The following ATRNL1 variants were observed in gnomAD, a reference collection of about 807,000 sequenced individuals.
ATRNL1 encodes the protein attractin-like protein 1.
Under a neutral mutation model 182.7 loss-of-function variants are expected in ATRNL1, and 95 were observed. The ratio of observed to expected loss-of-function variants is 0.52; its 90% confidence interval spans 0.44 to 0.62. The LOEUF is 0.62. Ranked by LOEUF, ATRNL1 falls within the 20% of genes least tolerant of loss-of-function variation. ATRNL1 has a pLI of 0.00. For missense variants in ATRNL1, 1,471 were observed against 1,679.5 expected, an observed-to-expected ratio of 0.88 and a Z score of 2.17; for synonymous variants, 576 against 568.3, an observed-to-expected ratio of 1.01 and a Z score of -0.19.
intron 25 of ATRNL1, among the ~76,000 whole-genome samples, chr10:115,538,895 T>C (rs149497837): frequency 2.0e-3 from 307 of 152,360 alleles, no homozygotes; most frequent in Admixed American, 2.7e-3. Flanking sequence ...ATATGTTTAC[T>C]GTACCTTTTC....
chr10:115,133,998 T>C (rs1845386682), intron 5 of ATRNL1, among the ~76,000 whole-genome samples: 1 of 151,988 alleles, frequency 6.6e-6, no homozygotes, highest in Admixed American at 6.6e-5. Flanking sequence ...TTGAAACCAA[T>C]GAGAACAAAG....
intron 1 of ATRNL1, 66 bp downstream of exon 1, chr10:115,094,109 C>T: frequency 8.5e-6 from 11 of 1,290,594 alleles, no homozygotes; most frequent in East Asian, 3.1e-5. Flanking sequence ...CTTCCCCGCC[C>T]CCCTCGCGGC....
At chr10:115,387,777 T>G (rs1843742791) in intron 19 of ATRNL1, among the ~76,000 whole-genome samples, 1 of 152,238 alleles carries the variant, frequency 6.6e-6, no homozygotes, top group Non-Finnish European at 1.5e-5. Flanking sequence ...TTTCTTTTCA[T>G]TGCTGAATTA....
At chr10:115,295,829 G>T (rs1554922411) in intron 15 of ATRNL1, among the ~76,000 whole-genome samples, 1 of 152,106 alleles carries the variant, frequency 6.6e-6, no homozygotes, top group African/African-American at 2.4e-5. Flanking sequence ...ATTCAGCTGG[G>T]GTTGTGGCAT....
intron 19 of ATRNL1, among the ~76,000 whole-genome samples, chr10:115,363,536 G>T (rs1856860323): frequency 6.8e-6 from 1 of 146,498 alleles, no homozygotes; most frequent in African/African-American, 2.5e-5. Flanking sequence ...GATCCCATTT[G>T]TCAATTTTGT....
chr10:115,295,334 C>T (rs1554922203), intron 15 of ATRNL1, among the ~76,000 whole-genome samples: 2 of 151,930 alleles, frequency 1.3e-5, no homozygotes, highest in Non-Finnish European at 2.9e-5. Context: ...CTCATGGGGT[C>T]GTGTCTCAGG....
chr10:115,545,653 ATCTT>A (rs539748226), intron 25 of ATRNL1, among the ~76,000 whole-genome samples: 4 of 152,338 alleles, frequency 2.6e-5, no homozygotes, highest in Admixed American at 2.0e-4. Flanking sequence ...CTCAAACTGA[ATCTT>A]TATTATGTAA....
At chr10:115,723,833 G>A (rs1445382522) in intron 26 of ATRNL1, among the ~76,000 whole-genome samples, 5 of 152,120 alleles carry the variant, frequency 3.3e-5, no homozygotes, top group Admixed American at 1.3e-4. Context: ...GCTTACAGGC[G>A]TGAGCCGCTG....
At chr10:115,538,295 C>G (rs530978441) in intron 25 of ATRNL1, among the ~76,000 whole-genome samples, 1 of 152,156 alleles carries the variant, frequency 6.6e-6, no homozygotes, top group Non-Finnish European at 1.5e-5. Context: ...AGTGACTGTA[C>G]AATTCTGTGC....
intron 9 of ATRNL1, among the ~76,000 whole-genome samples, chr10:115,220,183 C>T (rs901868122): frequency 6.6e-6 from 1 of 152,174 alleles, no homozygotes; most frequent in Non-Finnish European, 1.5e-5. Context: ...CAAATGTCTT[C>T]AGCAATAGGC....
intron 8 of ATRNL1, among the ~76,000 whole-genome samples, chr10:115,183,290 A>T (rs1407956479): frequency 4.0e-5 from 6 of 151,602 alleles, no homozygotes; most frequent in Admixed American, 6.6e-5. Flanking sequence ...AATGCACCAC[A>T]TTCCCAATTC....
chr10:115,447,972 T>A (rs182285834), intron 21 of ATRNL1, among the ~76,000 whole-genome samples: 7 of 152,198 alleles, frequency 4.6e-5, no homozygotes, highest in Admixed American at 1.3e-4. Flanking sequence ...ACTTGCATTT[T>A]CTTTATGACT....
intron 21 of ATRNL1, among the ~76,000 whole-genome samples, chr10:115,449,465 A>C (rs1000304945): frequency 3.3e-5 from 5 of 152,170 alleles, no homozygotes; most frequent in South Asian, 2.1e-4. Context: ...ATGCAACCTG[A>C]TTCTTCCTGG....
chr10:115,478,315 G>A (rs551215965), intron 24 of ATRNL1, among the ~76,000 whole-genome samples: 188 of 151,774 alleles, frequency 1.2e-3, no homozygotes, highest in Non-Finnish European at 9.9e-4. Flanking sequence ...TTGAGCTGCC[G>A]TCTCATCTGA....
Position 115,102,534 on chromosome 10 carries a change from G to A in ATRNL1, c.293+8491G>A, listed in dbSNP as rs143866512. 2.3e-3 allele frequency among the ~76,000 whole-genome samples: 344 copies of A among 152,030 alleles called. 2 individuals are homozygous for A. The highest frequency in any genetic ancestry group is 8.1e-3 in the African/African-American group (335 of 41,464). ...TATCAGCTCACTGAAATCTCTGCTC[G>A]TCAGGTTCAAGCGGTTCTCCTGCCT... is the stretch of plus-strand genomic sequence containing the variant. On this transcript the variant is annotated intron_variant, in intron 1 of 28. Transcript: ENST00000355044.
chr10:115,749,426 A>G (rs1271942206), intron 27 of ATRNL1, among the ~76,000 whole-genome samples: 1 of 151,820 alleles, frequency 6.6e-6, no homozygotes, highest in Non-Finnish European at 1.5e-5. Flanking sequence ...TGATATATAA[A>G]CATAGAAATT....
chr10:115,629,090 A>C (rs1013965131), intron 26 of ATRNL1, among the ~76,000 whole-genome samples: 1 of 152,090 alleles, frequency 6.6e-6, no homozygotes, highest in African/African-American at 2.4e-5. Context: ...AAATATTTCA[A>C]AGCTAAATAA....
chr10:115,475,132 A>G (rs1848474949), intron 24 of ATRNL1, among the ~76,000 whole-genome samples: 1 of 151,522 alleles, frequency 6.6e-6, no homozygotes, highest in Non-Finnish European at 1.5e-5. Flanking sequence ...GGTTCACAGC[A>G]TAACTCAATG....
chr10:115,786,002 G>A (rs1949388263), intron 27 of ATRNL1, among the ~76,000 whole-genome samples: 2 of 151,998 alleles, frequency 1.3e-5, no homozygotes, highest in African/African-American at 4.8e-5. Flanking sequence ...CAGAGGCACC[G>A]CTAATGTTCT....
Sources: gnomAD v4.1 joint callset for allele counts (sites outside exome capture counted in the v4.1 genomes callset) on GRCh38, gnomAD v4.1.1 for gene constraint, MANE v1.5 for transcripts, NCBI Gene and HGNC (gene_info 2026-07-23, HGNC 2026-07-21) for gene names.